KCNH5: variants seen among roughly 807,000 people sequenced by gnomAD.
The protein encoded by KCNH5 is potassium voltage-gated channel subfamily H member 5, also known as voltage-gated delayed rectifier potassium channel KCNH5.
KCNH5 carries 46 observed loss-of-function variants against 96.1 expected under a neutral mutation model. That is an observed-to-expected ratio of 0.48 (90% CI 0.38 to 0.61). The LOEUF (loss-of-function observed/expected upper bound fraction) is 0.61, where lower values mean the gene tolerates loss of function less well. KCNH5 is among the 20% of genes least tolerant of loss of function. The pLI, the probability that KCNH5 is intolerant of heterozygous loss-of-function variation, is 0.00. For synonymous variants in KCNH5, 439 were observed against 449.8 expected (o/e 0.98, Z 0.30); for missense variants, 907 against 1,225.8 (o/e 0.74, Z 3.88).
At chr14:62,833,703 T>C (rs1887407780) in intron 8 of KCNH5, among the ~76,000 whole-genome samples, 1 of 152,050 alleles carries the variant, frequency 6.6e-6, no homozygotes, top group Non-Finnish European at 1.5e-5. Context: ...TTGATTGATG[T>C]GGTGTAAAGG....
chr14:63,037,765 G>A (rs1372683470), intron 1 of KCNH5, among the ~76,000 whole-genome samples: 1 of 152,144 alleles, frequency 6.6e-6, no homozygotes, highest in African/African-American at 2.4e-5. Context: ...CTCTTCTGCT[G>A]CATACTGCAC....
intron 7 of KCNH5, among the ~76,000 whole-genome samples, chr14:62,872,222 C>T (rs1888270870): frequency 6.6e-6 from 1 of 152,186 alleles, no homozygotes; most frequent in African/African-American, 2.4e-5. Context: ...AAAATAGTCT[C>T]AGTCCATGCC....
At chr14:62,741,569 A>C (rs957940460) in intron 10 of KCNH5, among the ~76,000 whole-genome samples, 2 of 152,126 alleles carry the variant, frequency 1.3e-5, no homozygotes, top group African/African-American at 4.8e-5. Flanking sequence ...GATAACATAA[A>C]GCATGGAAAG....
At chr14:63,045,029 T>G in intron 1 of KCNH5, 85 bp downstream of exon 1, 3 of 1,094,740 alleles carry the variant, frequency 2.7e-6, no homozygotes, top group East Asian at 4.7e-5. Context: ...TCCTCCCCCC[T>G]TGGGAGAGGG....
At chr14:62,861,741 A>G (rs1888039115) in intron 7 of KCNH5, among the ~76,000 whole-genome samples, 2 of 151,586 alleles carry the variant, frequency 1.3e-5, no homozygotes, top group South Asian at 4.2e-4. Context: ...GATATTTGTA[A>G]ATTCTTTGAT....
chr14:62,902,033 T>C (rs985426206), intron 7 of KCNH5, among the ~76,000 whole-genome samples: 1 of 152,238 alleles, frequency 6.6e-6, no homozygotes, highest in Non-Finnish European at 1.5e-5. Context: ...TTAAGAAGTA[T>C]CTGTTCATGT....
rs1265584738 is a variant in KCNH5 at position 62,849,645 on chromosome 14, A to G, written c.1569+8T>C. On this transcript the variant is annotated splice_region_variant and intron_variant, in intron 8 of 10. Coordinates refer to ENST00000322893, the MANE Select transcript of KCNH5 (RefSeq NM_139318.5). ...TAGAAACTAAATAATAACAATAATAACCCATACCTTTTCTGTATCAATGCC... is the reference window on the plus strand; with the variant it reads ...TAGAAACTAAATAATAACAATAATAGCCCATACCTTTTCTGTATCAATGCC... The G allele has an allele frequency of 1.2e-6, 2 of 1,608,742 alleles. No individual in the cohort carries two copies. Among genetic ancestry groups the G allele is most frequent in the African/African-American group, 2.7e-5 (2 of 74,816 alleles).
chr14:62,758,628 C>T (rs1885679691), intron 10 of KCNH5, among the ~76,000 whole-genome samples: 1 of 152,146 alleles, frequency 6.6e-6, no homozygotes, highest in South Asian at 2.1e-4. Flanking sequence ...GAAAAAGTCA[C>T]TGAAGTGCTG....
At chr14:62,999,074 T>C (rs1318921793) in intron 4 of KCNH5, among the ~76,000 whole-genome samples, 2 of 152,208 alleles carry the variant, frequency 1.3e-5, no homozygotes, top group Non-Finnish European at 1.5e-5. Context: ...CTGGGTCAAA[T>C]GGTATTTCTA....
intron 7 of KCNH5, among the ~76,000 whole-genome samples, chr14:62,890,698 C>CAAAAA (rs1277209731): frequency 0.034 from 1,912 of 55,814 alleles, 28 homozygotes; most frequent in Middle Eastern, 0.044. Flanking sequence ...GACTCCGTCT[C>CAAAAA]AAAAAAAAAA....
chr14:62,725,992 A>G (rs958942987), intron 10 of KCNH5, among the ~76,000 whole-genome samples: 1 of 152,214 alleles, frequency 6.6e-6, no homozygotes, highest in Non-Finnish European at 1.5e-5. Context: ...CTAGAAATTG[A>G]CTCACACATA....
intron 6 of KCNH5, among the ~76,000 whole-genome samples, chr14:62,976,755 T>C (rs1272487095): frequency 1.3e-5 from 2 of 152,210 alleles, no homozygotes; most frequent in Non-Finnish European, 2.9e-5. Flanking sequence ...AGGAGTACAA[T>C]GGCATTGTAT....
chr14:62,987,815 T>G (rs1890738368), intron 4 of KCNH5, among the ~76,000 whole-genome samples: 1 of 152,154 alleles, frequency 6.6e-6, no homozygotes, highest in South Asian at 2.1e-4. Flanking sequence ...GGGGATTTAT[T>G]TGTTACAGCA....
chr14:62,955,341 A>G (rs1255344244), intron 6 of KCNH5, among the ~76,000 whole-genome samples: 1 of 152,200 alleles, frequency 6.6e-6, no homozygotes, highest in Non-Finnish European at 1.5e-5. Context: ...TAGGTCATTT[A>G]TTGCTACTTG....
chr14:63,015,355 A>G (rs555170821), intron 2 of KCNH5, among the ~76,000 whole-genome samples: 39 of 151,952 alleles, frequency 2.6e-4, no homozygotes, highest in Non-Finnish European at 4.7e-4. Flanking sequence ...TCAGGTTTAA[A>G]CTCAATGGTA....
chr14:62,728,136 C>T (rs1884972284), intron 10 of KCNH5, among the ~76,000 whole-genome samples: 1 of 151,122 alleles, frequency 6.6e-6, no homozygotes, highest in African/African-American at 2.4e-5. Context: ...AATCCCACAC[C>T]TTAGGAGGCT....
rs1465338593 is a variant in KCNH5 at position 62,802,507 on chromosome 14, A to T, written c.1644T>A (p.His548Gln). 1.2e-6 allele frequency: 2 copies of T among 1,614,144 alleles called. No individual in the cohort carries two copies. The highest frequency in any genetic ancestry group is 1.3e-5 in the African/African-American group (1 of 75,060). Residue 548 changes from histidine to glutamine, a missense_variant, in exon 9 of 11, where the codon CAT becomes CAA. This residue lies in a region of KCNH5 where 95 missense variants were observed against 111.8 expected (regional missense o/e 0.85). Coordinates refer to ENST00000322893, the MANE Select transcript of KCNH5 (RefSeq NM_139318.5). Reference protein sequence around the residue: ...VHLNRKVFNEHPAFRLASDGC... With the variant: ...VHLNRKVFNEQPAFRLASDGC... ...CATCGCTGGCCAATCGAAAAGCAGGATGTTCATTAAAAACCTTCCGGTTTA... is the reference window on the plus strand; with the variant it reads ...CATCGCTGGCCAATCGAAAAGCAGGTTGTTCATTAAAAACCTTCCGGTTTA...
intron 8 of KCNH5, among the ~76,000 whole-genome samples, chr14:62,807,041 G>T (rs1478839984): frequency 6.6e-6 from 1 of 152,062 alleles, no homozygotes; most frequent in Non-Finnish European, 1.5e-5. Flanking sequence ...TCACTGCAAT[G>T]GGAAGGTCTT....
chr14:62,952,851 T>A (rs114634181), intron 6 of KCNH5, among the ~76,000 whole-genome samples: 7,669 of 152,138 alleles, frequency 0.05, 667 homozygotes, highest in African/African-American at 0.17. Context: ...GAGGTGACCA[T>A]CCTGACAGGC....
Sources: allele counts gnomAD v4.1 joint callset (sites outside exome capture counted in the v4.1 genomes callset), GRCh38; gene constraint gnomAD v4.1.1; regional missense constraint gnomAD v4.1.1; transcripts MANE v1.5; gene names NCBI Gene and HGNC (gene_info 2026-07-23, HGNC 2026-07-21).